The following MXI1 variants were observed in gnomAD, a reference collection of about 807,000 sequenced individuals.
The protein encoded by MXI1 is max-interacting protein 1.
A neutral mutation model predicts 36.9 loss-of-function variants in MXI1; 18 were observed. The observed-to-expected ratio is 0.49, with a 90% CI of 0.34 to 0.72. MXI1 has a LOEUF of 0.72. Ranked by LOEUF, MXI1 falls within the 30% of genes least tolerant of loss-of-function variation. MXI1 has a pLI of 0.01. For missense variants in MXI1, 304 were observed against 379.1 expected, an observed-to-expected ratio of 0.80 and a Z score of 1.64; for synonymous variants, 160 against 146.7, an observed-to-expected ratio of 1.09 and a Z score of -0.65.
intron 3 of MXI1, chr10:110,261,046 C>T: frequency 7.1e-6 from 7 of 984,824 alleles, no homozygotes; most frequent in Non-Finnish European, 8.4e-6. Context: ...AGCCATATAC[C>T]AGGAGGAAAG....
chr10:110,211,206 C>T (rs1054884340), intron 1 of MXI1, among the ~76,000 whole-genome samples: 4 of 152,116 alleles, frequency 2.6e-5, no homozygotes, highest in Non-Finnish European at 5.9e-5. Flanking sequence ...TTCTCCTCCT[C>T]CCCCTCCCAG....
chr10:110,218,333 C>G (rs1854708901), intron 1 of MXI1, among the ~76,000 whole-genome samples: 1 of 151,972 alleles, frequency 6.6e-6, no homozygotes, highest in Non-Finnish European at 1.5e-5. Flanking sequence ...GCCTGTAGTC[C>G]CAGCTACTCG....
At chr10:110,247,348 CTG>C (rs1199972073) in intron 3 of MXI1, among the ~76,000 whole-genome samples, 4 of 152,114 alleles carry the variant, frequency 2.6e-5, no homozygotes, top group African/African-American at 9.7e-5. Flanking sequence ...CCTGTTGACT[CTG>C]ATGGTAGTTT....
intron 2 of MXI1, among the ~76,000 whole-genome samples, chr10:110,232,110 G>C (rs1855291586): frequency 6.6e-6 from 1 of 152,074 alleles, no homozygotes; most frequent in Non-Finnish European, 1.5e-5. Context: ...ACAGGTGCCT[G>C]CCACCATGCC....
At chr10:110,271,751 G>A (rs1056639871) in intron 3 of MXI1, among the ~76,000 whole-genome samples, 9 of 152,148 alleles carry the variant, frequency 5.9e-5, no homozygotes, top group African/African-American at 1.7e-4. Context: ...TTGAAAAATC[G>A]TTATAGCATT....
chr10:110,260,504 C>A (rs1330724144), intron 3 of MXI1, among the ~76,000 whole-genome samples: 1 of 151,350 alleles, frequency 6.6e-6, no homozygotes, highest in East Asian at 1.9e-4. Context: ...GAGACACACA[C>A]ACACACACAT....
At position 110,285,262 on chromosome 10, in the gene MXI1, T is replaced by C. The variant is rs1284987068; in HGVS notation, c.*275T>C. 6.9e-6 allele frequency: 2 copies of C among 291,004 alleles called. No individual in the cohort carries two copies. The highest frequency in any genetic ancestry group is 1.3e-5 in the Non-Finnish European group (2 of 157,756). 18.0% of individuals were successfully genotyped at this position (291,004 alleles called of 1,614,324 possible). A position where few individuals can be genotyped will look rare whatever the true frequency, so the allele number is the denominator to read the frequency against. On this transcript the variant is annotated 3_prime_UTR_variant, in exon 6 of 6. Coordinates refer to ENST00000332674, the MANE Select transcript of MXI1 (RefSeq NM_130439.3). Reference sequence around the variant, plus strand: ...AGCAGAAAACTTGTGTGAAATTTTCTTGATTTGAGTTGATTGAGAAGAGGA... The same window carrying C: ...AGCAGAAAACTTGTGTGAAATTTTCCTGATTTGAGTTGATTGAGAAGAGGA...
chr10:110,220,082 C>T (rs60719577), intron 1 of MXI1, among the ~76,000 whole-genome samples: 7,335 of 152,276 alleles, frequency 0.048, 520 homozygotes, highest in African/African-American at 0.15. Flanking sequence ...TAACCAATTT[C>T]GTTTGACCTG....
chr10:110,269,309 G>T (rs1856783305), intron 3 of MXI1, among the ~76,000 whole-genome samples: 4 of 152,132 alleles, frequency 2.6e-5, no homozygotes, highest in Admixed American at 2.6e-4. Flanking sequence ...CCTCCTATAT[G>T]AATATTCCCC....
intron 1 of MXI1, among the ~76,000 whole-genome samples, chr10:110,214,827 GTTTTGTGGC>G (rs1854590294): frequency 6.9e-6 from 1 of 145,408 alleles, no homozygotes; most frequent in Admixed American, 7.0e-5. Flanking sequence ...ATGAATTGTG[GTTTTGTGGC>G]TTTTGAGTTT....
intron 1 of MXI1, among the ~76,000 whole-genome samples, chr10:110,225,333 T>TA (rs1336954408): frequency 6.6e-6 from 1 of 152,172 alleles, no homozygotes; most frequent in South Asian, 2.1e-4. Context: ...TTCTGGCGTC[T>TA]AAAAGCACTA....
chr10:110,244,043 A>T (rs1855768847), intron 2 of MXI1, among the ~76,000 whole-genome samples: 1 of 152,048 alleles, frequency 6.6e-6, no homozygotes, highest in Admixed American at 6.6e-5. Context: ...GAGCTTCAGT[A>T]TTCTTGATTA....
At position 110,236,123 on chromosome 10, in the gene MXI1, TC is replaced by T. The variant is rs1590353673; in HGVS notation, c.407+7803del. On this transcript the variant is annotated intron_variant, in intron 2 of 5. Coordinates refer to ENST00000332674, the MANE Select transcript of MXI1 (RefSeq NM_130439.3). ...GAGGGTGTGAAGTAAAGGTTGAAGT[TC>T]TTTTTTTTTTTTTTTTTTTTTTTTT... 1.5e-4 allele frequency among the ~76,000 whole-genome samples: 11 copies of T among 75,838 alleles called. 1 individual carries two copies. The East Asian group carries it at 2.3e-3, about 16-fold the overall frequency. 49.8% of individuals were successfully genotyped at this position (75,838 alleles called of 152,430 possible).
intron 1 of MXI1, among the ~76,000 whole-genome samples, chr10:110,223,236 T>C (rs1462706143): frequency 6.6e-6 from 1 of 152,230 alleles, no homozygotes; most frequent in East Asian, 1.9e-4. Context: ...CCATCTTGAA[T>C]TCATGTATAT....
intron 1 of MXI1, chr10:110,225,877 C>G (rs1248110967): frequency 8.6e-6 from 4 of 464,420 alleles, no homozygotes; most frequent in Non-Finnish European, 1.1e-5. Context: ...GTGTGCACTA[C>G]GATTCCCGGC....
intron 3 of MXI1, among the ~76,000 whole-genome samples, chr10:110,273,866 G>A (rs559189262): frequency 6.6e-6 from 1 of 151,244 alleles, no homozygotes; most frequent in South Asian, 2.3e-4. Context: ...CCAGTGGATC[G>A]TTTGTGGGGC....
At chr10:110,212,858 T>C (rs1031207479) in intron 1 of MXI1, among the ~76,000 whole-genome samples, 1 of 152,252 alleles carries the variant, frequency 6.6e-6, no homozygotes, top group Non-Finnish European at 1.5e-5. Flanking sequence ...CTCTACTTGC[T>C]TCCTGTGTGT....
At chr10:110,251,050 A>G (rs1856067237) in intron 3 of MXI1, among the ~76,000 whole-genome samples, 1 of 125,642 alleles carries the variant, frequency 8.0e-6, no homozygotes, top group South Asian at 2.6e-4. Context: ...AAGGATGTCT[A>G]GTGAGTAGTA....
chr10:110,253,282 G>A (rs1358337647), intron 3 of MXI1, among the ~76,000 whole-genome samples: 4 of 151,676 alleles, frequency 2.6e-5, no homozygotes, highest in Non-Finnish European at 5.9e-5. Context: ...ACTGCCTATC[G>A]TGTCCCCATT....
Sources: gnomAD v4.1 joint callset for allele counts (sites outside exome capture counted in the v4.1 genomes callset) on GRCh38, gnomAD v4.1.1 for gene constraint, MANE v1.5 for transcripts, NCBI Gene and HGNC (gene_info 2026-07-23, HGNC 2026-07-21) for gene names.